Variants in PHACTR3 observed in about 807,000 individuals in gnomAD.
PHACTR3 encodes phosphatase and actin regulator 3.
PHACTR3 carries 16 observed loss-of-function variants against 66.8 expected under a neutral mutation model. The observed-to-expected ratio is 0.24, with a 90% confidence interval of 0.16 to 0.36. The LOEUF (loss-of-function observed/expected upper bound fraction) is 0.36, where lower values mean the gene tolerates loss of function less well. PHACTR3 is among the 10% of genes least tolerant of loss of function. The probability of loss-of-function intolerance (pLI) is 1.00; values close to 1 mark genes in which losing one functional copy is unlikely to be tolerated. For missense variants in PHACTR3, 647 were observed against 719.9 expected (o/e 0.90, Z 1.16); for synonymous variants, 323 against 292.1 (o/e 1.11, Z -1.08).
At chr20:59,654,742 G>A (rs1008778766) in intron 1 of PHACTR3, among the ~76,000 whole-genome samples, 7 of 151,940 alleles carry the variant, frequency 4.6e-5, no homozygotes, top group Non-Finnish European at 8.8e-5. Flanking sequence ...TTTACTCTTC[G>A]AGCCAATTCC....
intron 5 of PHACTR3, 81 bp downstream of exon 5, chr20:59,767,476 C>A: frequency 7.1e-7 from 1 of 1,407,302 alleles, no homozygotes; most frequent in Non-Finnish European, 9.7e-7. Context: ...TCCACCCATC[C>A]ATCATCTATC....
intron 1 of PHACTR3, among the ~76,000 whole-genome samples, chr20:59,639,074 TG>T (rs1568951963): frequency 0.012 from 1,510 of 126,692 alleles, 24 homozygotes; most frequent in African/African-American, 0.04. Context: ...GATGGATGGA[TG>T]GATGGATGGA....
chr20:59,751,753 T>C (rs2039593808), intron 3 of PHACTR3, among the ~76,000 whole-genome samples: 1 of 152,054 alleles, frequency 6.6e-6, no homozygotes, highest in Non-Finnish European at 1.5e-5. Flanking sequence ...CGTTATTACA[T>C]GACTAGATGT....
chr20:59,581,176 C>T (rs992858077), intron 1 of PHACTR3, among the ~76,000 whole-genome samples: 19 of 152,368 alleles, frequency 1.2e-4, no homozygotes, highest in African/African-American at 4.3e-4. Flanking sequence ...CAGCTGTGCC[C>T]ACCTGACCTG....
intron 1 of PHACTR3, among the ~76,000 whole-genome samples, chr20:59,647,999 G>A (rs955190693): frequency 6.6e-6 from 1 of 152,192 alleles, no homozygotes; most frequent in Non-Finnish European, 1.5e-5. Context: ...TATAGGCTAG[G>A]TGCCTTCCCT....
chr20:59,841,067 T>C (rs554808484), intron 10 of PHACTR3, among the ~76,000 whole-genome samples: 66 of 152,336 alleles, frequency 4.3e-4, no homozygotes, highest in African/African-American at 1.5e-3. Context: ...ATTAGTACTT[T>C]TAAAAAGCTT....
intron 3 of PHACTR3, among the ~76,000 whole-genome samples, chr20:59,753,343 A>G (rs977831525): frequency 6.6e-6 from 1 of 152,038 alleles, no homozygotes; most frequent in African/African-American, 2.4e-5. Context: ...TGACCTTTTC[A>G]TTCTCCCCGG....
intron 1 of PHACTR3, among the ~76,000 whole-genome samples, chr20:59,642,507 T>A (rs1203473560): frequency 6.6e-6 from 1 of 151,754 alleles, no homozygotes; most frequent in Non-Finnish European, 1.5e-5. Flanking sequence ...GTCGGGATTG[T>A]TCAGCCTATA....
At chr20:59,772,340 G>A (rs992179608) in intron 5 of PHACTR3, among the ~76,000 whole-genome samples, 2 of 152,156 alleles carry the variant, frequency 1.3e-5, no homozygotes, top group African/African-American at 4.8e-5. Flanking sequence ...TATTGCCCGT[G>A]TTTTAAGTGC....
At chr20:59,601,625 G>T (rs543527147), upstream of PHACTR3, among the ~76,000 whole-genome samples, 2 of 152,196 alleles carry the variant, frequency 1.3e-5, no homozygotes, top group Admixed American at 1.3e-4. Context: ...GGAGATGACC[G>T]ACTTTGAAGT....
intron 1 of PHACTR3, among the ~76,000 whole-genome samples, chr20:59,638,268 G>A (rs113447106): frequency 6.6e-6 from 1 of 152,222 alleles, no homozygotes; most frequent in African/African-American, 2.4e-5. Flanking sequence ...CCAAGCCATA[G>A]CCTTGTGAGG....
intron 1 of PHACTR3, among the ~76,000 whole-genome samples, chr20:59,721,987 T>C (rs2038319088): frequency 6.6e-6 from 1 of 151,972 alleles, no homozygotes; most frequent in Non-Finnish European, 1.5e-5. Flanking sequence ...TCCCAGCACT[T>C]TGGGAGGCCG....
At chr20:59,665,031 T>G (rs2035938877) in intron 1 of PHACTR3, among the ~76,000 whole-genome samples, 3 of 152,240 alleles carry the variant, frequency 2.0e-5, no homozygotes, top group Admixed American at 2.0e-4. Context: ...TTATTTGGTT[T>G]TATTTTATAA....
intron 8 of PHACTR3, among the ~76,000 whole-genome samples, chr20:59,832,957 G>C: frequency 6.6e-6 from 1 of 152,214 alleles, no homozygotes; most frequent in East Asian, 1.9e-4. Flanking sequence ...TCACCTGGCA[G>C]TCAGGGGTCT....
chr20:59,696,548 C>T (rs568009432), intron 1 of PHACTR3, among the ~76,000 whole-genome samples: 28 of 152,212 alleles, frequency 1.8e-4, no homozygotes, highest in Non-Finnish European at 3.4e-4. Context: ...TCCCTGGTCT[C>T]GTTGGGATGC....
chr20:59,835,262 C>A (rs754692695), intron 8 of PHACTR3, among the ~76,000 whole-genome samples: 11 of 82,608 alleles, frequency 1.3e-4, no homozygotes, highest in Non-Finnish European at 2.3e-4. Context: ...GGGGAGGATT[C>A]CAGCCAGGAA....
At chr20:59,615,020 C>T (rs954567421) in intron 1 of PHACTR3, among the ~76,000 whole-genome samples, 4 of 152,056 alleles carry the variant, frequency 2.6e-5, no homozygotes, top group African/African-American at 4.8e-5. Context: ...ACCTGTTTTT[C>T]GGGGATCTGC....
chr20:59,750,557 G>A (rs746595409), intron 3 of PHACTR3, among the ~76,000 whole-genome samples: 1 of 152,172 alleles, frequency 6.6e-6, no homozygotes, highest in Non-Finnish European at 1.5e-5. Context: ...GAGGAAGGAG[G>A]AAGCAGGAAA....
At chr20:59,762,016 A>G (rs1236673008) in intron 4 of PHACTR3, among the ~76,000 whole-genome samples, 1 of 152,258 alleles carries the variant, frequency 6.6e-6, no homozygotes, top group Non-Finnish European at 1.5e-5. Flanking sequence ...TCCAAAATAC[A>G]ACGGTGGCTG....
Sources: gnomAD v4.1 joint callset for allele counts (sites outside exome capture counted in the v4.1 genomes callset) on GRCh38, gnomAD v4.1.1 for gene constraint, MANE v1.5 for transcripts, NCBI Gene and HGNC (gene_info 2026-07-23, HGNC 2026-07-21) for gene names.